Variants in RAB3IP observed in about 807,000 individuals in gnomAD.
The protein encoded by RAB3IP is rab-3A-interacting protein.
In RAB3IP, 36 loss-of-function variants were observed where a neutral mutation model predicts 59.1. The ratio of observed to expected loss-of-function variants is 0.61; its 90% CI spans 0.47 to 0.80. The LOEUF (loss-of-function observed/expected upper bound fraction) is 0.80, where lower values mean the gene tolerates loss of function less well. Ranked by LOEUF, RAB3IP falls within the 30% of genes least tolerant of loss-of-function variation. The pLI, the probability that RAB3IP is intolerant of heterozygous loss-of-function variation, is 0.00. For synonymous variants in RAB3IP, 207 were observed against 191.2 expected, an observed-to-expected ratio of 1.08 and a Z score of -0.68; for missense variants, 511 against 536.0, an observed-to-expected ratio of 0.95 and a Z score of 0.46.
intron 3 of RAB3IP, among the ~76,000 whole-genome samples, chr12:69,758,028 A>G (rs1427469994): frequency 1.3e-5 from 2 of 152,226 alleles, no homozygotes; most frequent in African/African-American, 2.4e-5. Flanking sequence ...TATGAAGAGT[A>G]TAAGTTAGTA....
intron 3 of RAB3IP, among the ~76,000 whole-genome samples, chr12:69,773,182 G>A (rs1484628428): frequency 6.6e-6 from 1 of 151,944 alleles, no homozygotes; most frequent in Admixed American, 6.6e-5. Flanking sequence ...GAATTCTTTT[G>A]TATGTTAACT....
chr12:69,761,962 A>T (rs552260619), intron 3 of RAB3IP, among the ~76,000 whole-genome samples: 3 of 152,308 alleles, frequency 2.0e-5, no homozygotes, highest in African/African-American at 7.2e-5. Flanking sequence ...AACCAATGAG[A>T]CAAAAGGGAA....
rs540549283 is a variant in RAB3IP, at chr12:69,775,021, G to C, written c.511-9699G>C. On this transcript the variant is annotated intron_variant, in intron 3 of 10. Coordinates refer to ENST00000247833, the MANE Select transcript of RAB3IP (RefSeq NM_022456.5). ...CCTTGGGCAGTATGGCCATTTTCAT[G>C]ATATTGATTCTTCCTACCCATGAGA... is the stretch of plus-strand genomic sequence containing the variant. 6.2e-3 allele frequency among the ~76,000 whole-genome samples: 234 copies of C among 37,476 alleles called. 74 individuals carry two copies. Among genetic ancestry groups the C allele is most frequent in the African/African-American group, 0.016 (222 of 14,042 alleles). 24.6% of individuals were successfully genotyped at this position (37,476 alleles called of 152,430 possible). A position where few individuals can be genotyped will look rare whatever the true frequency, so the allele number is the denominator to read the frequency against.
intron 6 of RAB3IP, 128 bp downstream of exon 6, chr12:69,795,472 G>A: frequency 1.4e-6 from 1 of 720,382 alleles, no homozygotes; most frequent in Non-Finnish European, 2.4e-6. Flanking sequence ...GATGGGGGAG[G>A]CTTTATCTAG....
chr12:69,796,818 T>A (rs1877498979), intron 6 of RAB3IP, among the ~76,000 whole-genome samples: 1 of 152,230 alleles, frequency 6.6e-6, no homozygotes, highest in Non-Finnish European at 1.5e-5. Context: ...TGTTTCTTAC[T>A]CAGTATGTGT....
At chr12:69,785,015 C>T (rs1486262286) in intron 4 of RAB3IP, 200 bp downstream of exon 4, 8 of 332,890 alleles carry the variant, frequency 2.4e-5, no homozygotes, top group Non-Finnish European at 3.9e-5. Flanking sequence ...ATCTATGGGC[C>T]ACCAGTATCA....
chr12:69,782,211 C>A lies in RAB3IP; in HGVS notation c.511-2509C>A, dbSNP rs368319521. On this transcript the variant is annotated intron_variant, in intron 3 of 10. Coordinates refer to ENST00000247833, the MANE Select transcript of RAB3IP (RefSeq NM_022456.5). ...ATCGAGTCTCGCTCTATCGCCCAGG[C>A]TGGAGTGCAGTGGCGCGATCTCGGC... is the stretch of plus-strand genomic sequence containing the variant. Among the ~76,000 whole-genome samples the A allele has an allele frequency of 8.6e-4, 131 of 152,304 alleles. No individual in the cohort carries two copies. In the Middle Eastern group the frequency reaches 0.02, roughly 24 times the overall value.
chr12:69,762,399 T>C (rs1441284841), intron 3 of RAB3IP, among the ~76,000 whole-genome samples: 1 of 152,214 alleles, frequency 6.6e-6, no homozygotes, highest in Non-Finnish European at 1.5e-5. Context: ...TCAAACTTGT[T>C]GATTCTTACA....
At chr12:69,792,491 G>A (rs1876791872) in intron 4 of RAB3IP, among the ~76,000 whole-genome samples, 1 of 152,162 alleles carries the variant, frequency 6.6e-6, no homozygotes, top group Non-Finnish European at 1.5e-5. Context: ...CATAGTGTTT[G>A]ACTCTTTACA....
intron 3 of RAB3IP, among the ~76,000 whole-genome samples, chr12:69,773,399 CTTTTTT>C (rs71437123): frequency 6.3e-5 from 3 of 48,000 alleles, no homozygotes; most frequent in South Asian, 9.2e-4. Flanking sequence ...ATTTGTCTTT[CTTTTTT>C]TTTTTTTTTT....
rs1441809279 is a variant in RAB3IP at position 69,755,562 on chromosome 12, C to T, written c.154C>T (p.Pro52Ser). ...RPHPSALSSV[P>S]IQANALDVSE... is the part of the protein sequence containing the mutation. ...ACACCCTTCAGCTTTATCCTCTGTACCTATCCAGGCAAATGCATTAGATGT... is the reference window on the plus strand; with the variant it reads ...ACACCCTTCAGCTTTATCCTCTGTATCTATCCAGGCAAATGCATTAGATGT... The change falls in exon 2 of 11, where the codon CCT becomes TCT. Residue 52 changes from proline (P) to serine (S), a missense_variant. Transcript: ENST00000247833. 16 of 1,613,896 alleles carry T rather than the reference C, an allele frequency of 9.9e-6. No individual in the cohort carries two copies. The African/African-American group carries it at 1.2e-4, about 12-fold the overall frequency.
At chr12:69,745,028 A>G (rs1392095676) in intron 1 of RAB3IP, among the ~76,000 whole-genome samples, 1 of 152,198 alleles carries the variant, frequency 6.6e-6, no homozygotes, top group South Asian at 2.1e-4. Context: ...TGAGAGCACT[A>G]TAAATTATGG....
At chr12:69,806,721 C>G (rs1173348996) in intron 8 of RAB3IP, among the ~76,000 whole-genome samples, 2 of 152,018 alleles carry the variant, frequency 1.3e-5, no homozygotes, top group African/African-American at 4.8e-5. Flanking sequence ...ACAGAGGTCC[C>G]TGTGGCCTTC....
At position 69,819,424 on chromosome 12, in the gene RAB3IP, T is replaced by A. The variant is rs1881471969; in HGVS notation, c.*3978T>A. 1 of 152,216 alleles carries A rather than the reference T, an allele frequency of 6.6e-6. No individual in the cohort carries two copies. The highest frequency in any genetic ancestry group is 1.5e-5 in the Non-Finnish European group (1 of 68,102). The allele number at this position is 152,216 out of a possible 1,614,324, so 9.4% of individuals were successfully genotyped here. A position where few individuals can be genotyped will look rare whatever the true frequency, so the allele number is the denominator to read the frequency against. ...TGCCCACTGAGCATCAAAGTGGATA[T>A]GTTAAGCAGGTATTGGATGTACAAA... On this transcript the variant is annotated 3_prime_UTR_variant, in exon 11 of 11. Coordinates refer to ENST00000247833, the MANE Select transcript of RAB3IP (RefSeq NM_022456.5).
chr12:69,785,886 G>A (rs762082720), intron 4 of RAB3IP, among the ~76,000 whole-genome samples: 2 of 152,124 alleles, frequency 1.3e-5, no homozygotes, highest in South Asian at 4.1e-4. Context: ...GTGAGGTGAG[G>A]GTAGTACTTC....
At chr12:69,746,529 G>A (rs902444001) in intron 1 of RAB3IP, among the ~76,000 whole-genome samples, 2 of 152,144 alleles carry the variant, frequency 1.3e-5, no homozygotes, top group African/African-American at 4.8e-5. Flanking sequence ...GTGGCTCGTA[G>A]AGGCTGTGTG....
chr12:69,798,244 T>C (rs1373031620), intron 6 of RAB3IP, among the ~76,000 whole-genome samples: 4 of 152,216 alleles, frequency 2.6e-5, no homozygotes, highest in Admixed American at 2.0e-4. Context: ...TATCTCATTG[T>C]GGTTTTGATT....
rs749687711 is a variant in RAB3IP at position 69,755,532 on chromosome 12, C to T, written c.124C>T (p.Arg42Trp). 2.0e-5 allele frequency: 32 copies of T among 1,613,922 alleles called. No individual in the cohort carries two copies. The highest frequency in any genetic ancestry group is 2.5e-5 in the Non-Finnish European group (30 of 1,180,024). Residue 42 changes from arginine (R) to tryptophan (W), a missense_variant, in exon 2 of 11, where the codon CGG (arginine) becomes TGG (tryptophan). Coordinates refer to ENST00000247833, the MANE Select transcript of RAB3IP (RefSeq NM_022456.5). Reference protein sequence around the residue: ...EQTTSPSVIYRPHPSALSSVP... With the variant: ...EQTTSPSVIYWPHPSALSSVP... ...GACTACCTCACCAAGTGTCATCTAC[C>T]GGCCACACCCTTCAGCTTTATCCTC...
At chr12:69,798,419 T>C (rs1261741262) in intron 6 of RAB3IP, among the ~76,000 whole-genome samples, 1 of 151,624 alleles carries the variant, frequency 6.6e-6, no homozygotes, top group African/African-American at 2.4e-5. Flanking sequence ...AGATTCTGGA[T>C]ATTAGCCCTT....
Sources: gnomAD v4.1 joint callset for allele counts (sites outside exome capture counted in the v4.1 genomes callset) on GRCh38, gnomAD v4.1.1 for gene constraint, MANE v1.5 for transcripts, NCBI Gene and HGNC (gene_info 2026-07-23, HGNC 2026-07-21) for gene names.